CPA5: variants seen among roughly 807,000 people sequenced by gnomAD.
CPA5 encodes testicular tissue protein Li 32.
Under a neutral mutation model 52.2 loss-of-function variants are expected in CPA5, and 38 were observed. That is an observed-to-expected ratio of 0.73 (90% CI 0.56 to 0.95). The LOEUF (loss-of-function observed/expected upper bound fraction) is 0.95. CPA5 is among the 40% of genes least tolerant of loss of function. The pLI is 0.00. For missense variants in CPA5, 519 were observed against 566.7 expected (o/e 0.92, Z 0.86); for synonymous variants, 198 against 213.7 (o/e 0.93, Z 0.64).
At position 130,367,491 on chromosome 7, in the gene CPA5, A is replaced by T; in HGVS notation, c.958A>T (p.Ile320Phe). 1.9e-6 allele frequency: 3 copies of T among 1,613,952 alleles called. No homozygotes were observed. Among genetic ancestry groups the T allele is most frequent in the Non-Finnish European group, 2.5e-6 (3 of 1,180,010 alleles). Residue 320 changes from isoleucine to phenylalanine, a missense_variant, in exon 11 of 13, where the codon ATC becomes TTC. Physicochemically the swap from Ile to Phe is conservative, Grantham distance 21. Coordinates refer to ENST00000474905, the MANE Select transcript of CPA5 (RefSeq NM_080385.5). ...AGCCCATGGCAACTTCAAGGCTCTG[A>T]TCTCCATCCACAGCTACTCTCAGAT... ...ITAHGNFKALISIHSYSQMLM... is the reference protein window; with the variant it reads ...ITAHGNFKALFSIHSYSQMLM...
At position 130,368,663 on chromosome 7, in the gene CPA5, A is replaced by G. The variant is rs939472350; in HGVS notation, c.*66A>G. 6 of 1,519,660 alleles carry G rather than the reference A, an allele frequency of 3.9e-6. 1 individual carries two copies. Among genetic ancestry groups the G allele is most frequent in the Middle Eastern group, 2.1e-4 (1 of 4,848 alleles). 94.1% of individuals were successfully genotyped at this position (1,519,660 alleles called of 1,614,324 possible). A position where few individuals can be genotyped will look rare whatever the true frequency, so the allele number is the denominator to read the frequency against. Reference sequence around the variant, plus strand: ...GGTCTGTGGCTCCTCCCGAAACCCAAGTTATGCATCCCCATCCCCATGCCC... The same window carrying G: ...GGTCTGTGGCTCCTCCCGAAACCCAGGTTATGCATCCCCATCCCCATGCCC... On this transcript the variant is annotated 3_prime_UTR_variant, in exon 13 of 13. Transcript: ENST00000474905.
intron 4 of CPA5, among the ~76,000 whole-genome samples, chr7:130,348,428 G>A (rs781961841): frequency 2.8e-4 from 43 of 152,328 alleles, no homozygotes; most frequent in African/African-American, 9.6e-4. Context: ...GCTCCTACTT[G>A]TCTGAGTGTC....
chr7:130,368,054 G>A (rs1207245644), intron 12 of CPA5, 64 bp downstream of exon 12: 14 of 1,473,864 alleles, frequency 9.5e-6, no homozygotes, highest in Middle Eastern at 1.7e-4. Context: ...CTGCAGGGCA[G>A]TGCCAAGGAT....
chr7:130,359,005 C>T (rs1331940789), intron 5 of CPA5, among the ~76,000 whole-genome samples: 1 of 152,120 alleles, frequency 6.6e-6, no homozygotes, highest in East Asian at 1.9e-4. Flanking sequence ...CTGACTTTGG[C>T]CATGCCTGGC....
chr7:130,349,313 A>C (rs1359504524), intron 4 of CPA5, among the ~76,000 whole-genome samples: 11 of 152,232 alleles, frequency 7.2e-5, no homozygotes, highest in East Asian at 1.9e-4. Flanking sequence ...GTGCACCTGT[A>C]GTTCCAGCTA....
chr7:130,361,780 A>G lies in CPA5; in HGVS notation c.534+536A>G, dbSNP rs148095514. On this transcript the variant is annotated intron_variant, in intron 7 of 12. Transcript: ENST00000474905. ...AGGAGATGTGAATGCAGAGCCCATCAGAAAGCAATTCTTAGTTTGCGCCCA... is the reference window on the plus strand; with the variant it reads ...AGGAGATGTGAATGCAGAGCCCATCGGAAAGCAATTCTTAGTTTGCGCCCA... Among the ~76,000 whole-genome samples, 844 of 152,352 alleles carry G rather than the reference A, an allele frequency of 5.5e-3. 2 individuals are homozygous for G. Among genetic ancestry groups the G allele is most frequent in the Non-Finnish European group, 8.1e-3 (548 of 68,036 alleles).
Position 130,368,553 on chromosome 7 carries a change from G to A in CPA5, c.1267G>A (p.Ala423Thr). 5 of 1,614,092 alleles carry A rather than the reference G, an allele frequency of 3.1e-6. No homozygotes were observed. The highest frequency in any genetic ancestry group is 4.2e-6 in the Non-Finnish European group (5 of 1,180,034). Reference protein sequence around the residue: ...IIPTAQETWMALRTIMEHTLN... With the variant: ...IIPTAQETWMTLRTIMEHTLN... ...CCCCACGGCCCAGGAGACGTGGATG[G>A]CGCTTCGGACCATCATGGAGCACAC... The change falls in exon 13 of 13, where the codon GCG (alanine) becomes ACG (threonine). Residue 423 changes from alanine to threonine, a missense_variant. Coordinates refer to ENST00000474905, the MANE Select transcript of CPA5 (RefSeq NM_080385.5).
At position 130,367,490 on chromosome 7, in the gene CPA5, G is replaced by A; in HGVS notation, c.957G>A (p.Leu319=). The change falls in exon 11 of 13, where the codon CTG becomes CTA. Residue 319 remains leucine (L), a synonymous_variant. Transcript: ENST00000474905. The part of the protein sequence containing the change: ...FITAHGNFKA[L]ISIHSYSQML... ...CAGCCCATGGCAACTTCAAGGCTCTGATCTCCATCCACAGCTACTCTCAGA... is the reference window on the plus strand; with the variant it reads ...CAGCCCATGGCAACTTCAAGGCTCTAATCTCCATCCACAGCTACTCTCAGA... 1 of 1,614,130 alleles carries A rather than the reference G, an allele frequency of 6.2e-7. No individual in the cohort carries two copies. Among genetic ancestry groups the A allele is most frequent in the Non-Finnish European group, 8.5e-7 (1 of 1,180,024 alleles).
downstream of CPA5, among the ~76,000 whole-genome samples, chr7:130,371,276 G>A (rs116867141): frequency 0.019 from 2,958 of 152,328 alleles, 40 homozygotes; most frequent in Non-Finnish European, 0.031. Context: ...TCAACATGTC[G>A]CCTCCTCACA....
In CPA5 at chr7:130,362,521, C is replaced by G; in HGVS notation, c.618C>G (p.Gly206=). Residue 206 remains glycine, a synonymous_variant, in exon 8 of 13, where the codon GGC becomes GGG. Transcript: ENST00000474905. ...GGGAGTGGATCACCCATGCCACCGGCATCTGGACTGCCAATAAGGTCAGCA... is the reference window on the plus strand; with the variant it reads ...GGGAGTGGATCACCCATGCCACCGGGATCTGGACTGCCAATAAGGTCAGCA... ...HSREWITHAT[G]IWTANKIVSD... 1 of 1,613,136 alleles carries G rather than the reference C, an allele frequency of 6.2e-7. No individual in the cohort carries two copies. Among genetic ancestry groups the G allele is most frequent in the African/African-American group, 1.3e-5 (1 of 75,050 alleles).
chr7:130,359,037 A>T (rs1795645900), intron 5 of CPA5, among the ~76,000 whole-genome samples: 1 of 152,184 alleles, frequency 6.6e-6, no homozygotes, highest in East Asian at 1.9e-4. Context: ...CTTGGATACC[A>T]GTTGTCTAGG....
intron 8 of CPA5, 67 bp downstream of exon 8, chr7:130,362,606 AT>A: frequency 8.8e-7 from 1 of 1,134,422 alleles, no homozygotes; most frequent in Non-Finnish European, 1.3e-6. Context: ...GGAACTTACT[AT>A]TTAAGGGCAC....
intron 10 of CPA5, among the ~76,000 whole-genome samples, chr7:130,363,756 G>A (rs923584361): frequency 1.3e-5 from 2 of 152,152 alleles, no homozygotes; most frequent in African/African-American, 4.8e-5. Context: ...AACAGTTAGG[G>A]GAGCCCCAGC....
chr7:130,346,506 C>T lies in CPA5; in HGVS notation c.21C>T (p.Gly7=), dbSNP rs144865240. The T allele has an allele frequency of 6.6e-5, 107 of 1,613,200 alleles. No individual in the cohort carries two copies. The highest frequency in any genetic ancestry group is 8.1e-5 in the Non-Finnish European group (95 of 1,179,570). MQGTPG[G]GTRPGPSPVD... ...GAAGCATGCAGGGCACCCCTGGAGG[C>T]GGGACGCGCCCTGGGCCATCCCCCG... Residue 7 remains glycine (G), a synonymous_variant, in exon 3 of 13, where the codon GGC becomes GGT. Transcript: ENST00000474905.
At chr7:130,371,329 G>C (rs552257547), downstream of CPA5, among the ~76,000 whole-genome samples, 20 of 152,218 alleles carry the variant, frequency 1.3e-4, no homozygotes, top group Non-Finnish European at 2.9e-4. Flanking sequence ...TTTCAGCCAA[G>C]GAGGTGACTC....
In CPA5 at chr7:130,367,997, G is replaced by A. The variant is rs200520178; in HGVS notation, c.1123+7G>A. On this transcript the variant is annotated splice_region_variant and intron_variant, in intron 12 of 12. Coordinates refer to ENST00000474905, the MANE Select transcript of CPA5 (RefSeq NM_080385.5). ...AGCATCAGCACCACCCTCTGTGAGTGAGCCTCCCCTGGCCCTGCTTCAGAC... is the reference window on the plus strand; with the variant it reads ...AGCATCAGCACCACCCTCTGTGAGTAAGCCTCCCCTGGCCCTGCTTCAGAC... 5.4e-5 allele frequency: 87 copies of A among 1,613,392 alleles called. No individual in the cohort carries two copies. Among genetic ancestry groups the A allele is most frequent in the Admixed American group, 1.2e-4 (7 of 60,032 alleles).
downstream of CPA5, among the ~76,000 whole-genome samples, chr7:130,371,862 T>C (rs1273766170): frequency 6.6e-6 from 1 of 152,178 alleles, no homozygotes; most frequent in Non-Finnish European, 1.5e-5. Context: ...CGGCCCCAGA[T>C]GGAGGTCTTC....
rs781792007 is a variant in CPA5 at position 130,359,621 on chromosome 7, G to A, written c.366G>A (p.Ala122=). The change falls in exon 6 of 13, where the codon GCG becomes GCA. Residue 122 remains alanine, a synonymous_variant. Transcript: ENST00000474905. ...VLLDEERQAM[A]KSRRLERSTN... is the part of the protein sequence containing the mutation. The stretch of plus-strand genomic sequence containing the variant: ...TGGATGAGGAAAGACAGGCCATGGC[G>A]AAATCCCGCCGGCTGGAGCGCAGCA... 6.3e-6 allele frequency: 10 copies of A among 1,576,642 alleles called. No individual in the cohort carries two copies. The Admixed American group carries it at 1.3e-4, about 20-fold the overall frequency.
chr7:130,347,996 A>G (rs4731682), intron 4 of CPA5, 149 bp downstream of exon 4: 597,592 of 602,168 alleles, frequency 0.99, 296,669 homozygotes, highest in East Asian at 1. Context: ...ACGTGGCTCC[A>G]CTTCAGGAAA....
Sources: gnomAD v4.1 joint callset for allele counts (sites outside exome capture counted in the v4.1 genomes callset) on GRCh38, gnomAD v4.1.1 for gene constraint, MANE v1.5 for transcripts, NCBI Gene and HGNC (gene_info 2026-07-23, HGNC 2026-07-21) for gene names.